Variants in OR8B3 observed in about 807,000 individuals in gnomAD.
The protein encoded by OR8B3 is olfactory receptor 8B3.
For synonymous variants in OR8B3, 102 were observed against 135.4 expected, an observed-to-expected ratio of 0.75 and a Z score of 1.71; for missense variants, 278 against 377.6, an observed-to-expected ratio of 0.74 and a Z score of 2.19.
Position 124,397,105 on chromosome 11 carries a change from T to C in OR8B3, c.247A>G (p.Met83Val). Residue 83 changes from methionine (M) to valine (V), a missense_variant, in exon 2 of 2, where the codon ATG (methionine) becomes GTG (valine). Met to Val is a conservative substitution (Grantham distance 21). Transcript: ENST00000641139. ...ATATTCTTTTTTGATACAAAGTTCA[T>C]TAGCATTTTGGGAGTGAAAACAGAG... ...YSSVFTPKML[M>V]NFVSKKNIIS... 6.2e-7 allele frequency: 1 copy of C among 1,613,702 alleles called. No individual in the cohort carries two copies. Among genetic ancestry groups the C allele is most frequent in the Non-Finnish European group, 8.5e-7 (1 of 1,179,826 alleles).
At chr11:124,399,183 T>C (rs758970970), upstream of OR8B3, among the ~76,000 whole-genome samples, 2 of 152,210 alleles carry the variant, frequency 1.3e-5, no homozygotes, top group Non-Finnish European at 2.9e-5. Flanking sequence ...TGTATAAAGA[T>C]GTAAATGTAA....
chr11:124,397,774 G>C (rs1420650182), intron 1 of OR8B3, among the ~76,000 whole-genome samples: 2 of 151,418 alleles, frequency 1.3e-5, no homozygotes, highest in Admixed American at 1.3e-4. Context: ...TCGGCTCACT[G>C]CAACCTCTGC....
At chr11:124,409,807 G>A in the OR8B3 span, among the ~76,000 whole-genome samples, 31 of 152,146 alleles carry the variant, frequency 2.0e-4, no homozygotes, top group African/African-American at 7.5e-4. Flanking sequence ...GAGAAATACA[G>A]TTGAACTCAT....
Position 124,396,315 on chromosome 11 carries a change from A to G in OR8B3, c.*95T>C. The G allele has an allele frequency of 2.8e-6, 3 of 1,069,622 alleles. No homozygotes were observed. Among genetic ancestry groups the G allele is most frequent in the Admixed American group, 2.9e-5 (1 of 34,340 alleles). 66.3% of individuals were successfully genotyped at this position (1,069,622 alleles called of 1,614,324 possible). ...ATAAGACAAGTTTATTAAATCACAC[A>G]TAACACCATCTGTAGAAACAACAAA... is the stretch of plus-strand genomic sequence containing the variant. On this transcript the variant is annotated 3_prime_UTR_variant, in exon 2 of 2. Transcript: ENST00000641139.
upstream of OR8B3, among the ~76,000 whole-genome samples, chr11:124,399,775 A>G (rs901178649): frequency 1.3e-5 from 2 of 152,174 alleles, no homozygotes; most frequent in Non-Finnish European, 2.9e-5. Flanking sequence ...GAAACTACAG[A>G]CCTTATTCAC....
At chr11:124,401,028 GTGTATC>G (rs1424441873), upstream of OR8B3, among the ~76,000 whole-genome samples, 2 of 152,106 alleles carry the variant, frequency 1.3e-5, no homozygotes, top group African/African-American at 2.4e-5. Context: ...TTTTTAATGA[GTGTATC>G]TCTAGTTTCT....
chr11:124,396,189 GTTCC>G lies in OR8B3; in HGVS notation c.*217_*220del. On this transcript the variant is annotated 3_prime_UTR_variant, in exon 2 of 2. Transcript: ENST00000641139. ...GATAATGAAAAATATCAGTGCATAT[GTTCC>G]TTTTACAAAGATGCCATGACCTATT... The G allele has an allele frequency of 2.0e-6, 1 of 508,512 alleles. No homozygotes were observed. Among genetic ancestry groups the G allele is most frequent in the South Asian group, 3.1e-5 (1 of 32,246 alleles). The allele number at this position is 508,512 out of a possible 1,614,324, so 31.5% of individuals were successfully genotyped here.
At chr11:124,399,808 T>G (rs988633840), upstream of OR8B3, among the ~76,000 whole-genome samples, 5 of 152,176 alleles carry the variant, frequency 3.3e-5, no homozygotes, top group African/African-American at 1.2e-4. Context: ...CTCGTATGTA[T>G]GTGTGTGCAA....
the OR8B3 span, among the ~76,000 whole-genome samples, chr11:124,409,344 G>A: frequency 0.036 from 5,442 of 152,252 alleles, 136 homozygotes; most frequent in South Asian, 0.1. Flanking sequence ...TCCTGGCTCT[G>A]CCACTAGTTT....
Position 124,397,062 on chromosome 11 carries a change from C to T in OR8B3, c.290G>A (p.Cys97Tyr), listed in dbSNP as rs1215569085. ...SKKNIISYVGCMTQLFFFLFF... is the reference protein window; with the variant it reads ...SKKNIISYVGYMTQLFFFLFF... Reference sequence around the variant, plus strand: ...GAGAAAGAAAAACAGCTGAGTCATGCACCCAACATAGGAGATAATATTCTT... The same window carrying T: ...GAGAAAGAAAAACAGCTGAGTCATGTACCCAACATAGGAGATAATATTCTT... Residue 97 changes from cysteine (C) to tyrosine (Y), a missense_variant, in exon 2 of 2, where the codon TGC becomes TAC. Coordinates refer to ENST00000641139, the MANE Select transcript of OR8B3 (RefSeq NM_001005467.2). The T allele has an allele frequency of 9.9e-6, 16 of 1,613,804 alleles. No individual in the cohort carries two copies. The highest frequency in any genetic ancestry group is 1.4e-5 in the Non-Finnish European group (16 of 1,179,878).
chr11:124,398,626 A>C (rs1031944552), intron 1 of OR8B3, 64 bp downstream of exon 1: 3 of 152,204 alleles, frequency 2.0e-5, no homozygotes, highest in Non-Finnish European at 4.4e-5. Context: ...GCTATTGAAT[A>C]GAATACTTTT....
upstream of OR8B3, among the ~76,000 whole-genome samples, chr11:124,401,222 C>CAGAGAGAGAGAGAGAGAG (rs3071311): frequency 0.1 from 14,165 of 142,190 alleles, 968 homozygotes; most frequent in South Asian, 0.17. Context: ...TGCAAAGAGA[C>CAGAGAGAGAGAGAGAGAG]AGAGAGAGAG....
upstream of OR8B3, among the ~76,000 whole-genome samples, chr11:124,401,678 A>C (rs1460177468): frequency 1.3e-5 from 2 of 152,250 alleles, no homozygotes; most frequent in African/African-American, 4.8e-5. Context: ...CACTGCAACC[A>C]GCTTAGATGC....
At chr11:124,408,365 C>T in the OR8B3 span, among the ~76,000 whole-genome samples, 1 of 152,166 alleles carries the variant, frequency 6.6e-6, no homozygotes, top group Non-Finnish European at 1.5e-5. Context: ...GGAAAGTACT[C>T]AGTCTTCAAC....
the OR8B3 span, among the ~76,000 whole-genome samples, chr11:124,407,873 G>A: frequency 2.1e-3 from 322 of 152,224 alleles, 1 homozygote; most frequent in Middle Eastern, 0.01. Flanking sequence ...TAAATCTACA[G>A]ATCTAATAGA....
chr11:124,409,441 AG>A, the OR8B3 span, among the ~76,000 whole-genome samples: 1 of 152,348 alleles, frequency 6.6e-6, no homozygotes, highest in African/African-American at 2.4e-5. Flanking sequence ...TTAAAAGGTA[AG>A]TTAATAAAAG....
upstream of OR8B3, among the ~76,000 whole-genome samples, chr11:124,402,901 A>G (rs1362088112): frequency 9.9e-5 from 15 of 151,348 alleles, no homozygotes; most frequent in African/African-American, 3.6e-4. Context: ...GGGTCATAGG[A>G]CAATAGTGGA....
chr11:124,407,258 A>G, the OR8B3 span, among the ~76,000 whole-genome samples: 1 of 152,126 alleles, frequency 6.6e-6, no homozygotes, highest in Non-Finnish European at 1.5e-5. Flanking sequence ...CTTTCTGGGA[A>G]TTCTCTTCAC....
upstream of OR8B3, among the ~76,000 whole-genome samples, chr11:124,401,069 A>G (rs541894232): frequency 2.0e-5 from 3 of 152,242 alleles, no homozygotes; most frequent in East Asian, 5.8e-4. Flanking sequence ...TTTAGTTCAC[A>G]TTGACCTGCT....
Sources: allele counts gnomAD v4.1 joint callset (sites outside exome capture counted in the v4.1 genomes callset), GRCh38; gene constraint gnomAD v4.1.1; transcripts MANE v1.5; gene names NCBI Gene and HGNC (gene_info 2026-07-23, HGNC 2026-07-21).